The following CLIC3 variants were observed in gnomAD, a reference collection of about 807,000 sequenced individuals.
CLIC3 encodes chloride intracellular channel protein 3.
Under a neutral mutation model 19.9 loss-of-function variants are expected in CLIC3, and 29 were observed. The ratio of observed to expected loss-of-function variants is 1.46; its 90% confidence interval spans 1.09 to 1.99. The LOEUF (loss-of-function observed/expected upper bound fraction) is 1.99, where lower values mean the gene tolerates loss of function less well. Ranked by LOEUF, CLIC3 falls within the 30% of genes most tolerant of loss-of-function variation. The pLI, the probability that CLIC3 is intolerant of heterozygous loss-of-function variation, is 0.00. For missense variants in CLIC3, 365 were observed against 342.6 expected (o/e 1.07, Z -0.52); for synonymous variants, 143 against 156.4 (o/e 0.91, Z 0.64).
rs773745114 is a variant in CLIC3 at position 136,995,287 on chromosome 9, G to T, written c.275C>A (p.Pro92His). ...CTCCCTGTAACGAGGCGCCAGGCTGGGGAAGCTGCGGGATGAGGGGGTGGG... is the reference window on the plus strand; with the variant it reads ...CTCCCTGTAACGAGGCGCCAGGCTGTGGAAGCTGCGGGATGAGGGGGTGGG... ...LEETLGPPDF[P>H]SLAPRYRESN... The change falls in exon 4 of 6, where the codon CCC becomes CAC. Residue 92 changes from proline (P) to histidine (H), a missense_variant. Physicochemically the swap from Pro to His is moderately conservative, Grantham distance 77 (BLOSUM62 -2). Coordinates refer to ENST00000494426, the MANE Select transcript of CLIC3 (RefSeq NM_004669.3). 1.9e-6 allele frequency: 3 copies of T among 1,612,372 alleles called. No homozygotes were observed. Among genetic ancestry groups the T allele is most frequent in the Non-Finnish European group, 2.5e-6 (3 of 1,179,682 alleles).
At chr9:136,995,840 C>T (rs1830697665) in intron 1 of CLIC3, 83 bp from the exon 2 acceptor site, 3 of 946,250 alleles carry the variant, frequency 3.2e-6, no homozygotes, top group Non-Finnish European at 4.7e-6. Context: ...GGACCCGCCT[C>T]CCACTGCCAG....
At position 136,994,800 on chromosome 9, in the gene CLIC3, C is replaced by T. The variant is rs553016965; in HGVS notation, c.592G>A (p.Glu198Lys). 14 of 1,590,038 alleles carry T rather than the reference C, an allele frequency of 8.8e-6. No individual in the cohort carries two copies. In the African/African-American group the frequency reaches 1.9e-4, roughly 21 times the overall value. ...AGGTAGCGGCGTACGCCGCGCAGCT[C>T]CGCGGGGATGGGCGCCTGGCGGAAG... is the stretch of plus-strand genomic sequence containing the variant. ...AHFRQAPIPA[E>K]LRGVRRYLDS... Residue 198 changes from glutamate to lysine, a missense_variant, in exon 6 of 6, where the codon GAG (glutamate) becomes AAG (lysine). Coordinates refer to ENST00000494426, the MANE Select transcript of CLIC3 (RefSeq NM_004669.3).
In CLIC3 at chr9:136,996,258, T is replaced by C. The variant is rs116931799; in HGVS notation, c.33+253A>G. Among the ~76,000 whole-genome samples, 75 of 151,994 alleles carry C rather than the reference T, an allele frequency of 4.9e-4. 3 individuals are homozygous for C. In the East Asian group the frequency reaches 0.013, roughly 27 times the overall value. On this transcript the variant is annotated intron_variant, in intron 1 of 5. Transcript: ENST00000494426. ...GCTTGGTACCTCCCCACCAAGGAGCTCTCCTCCAGAAGACTGGGCTGGGCC... is the reference window on the plus strand; with the variant it reads ...GCTTGGTACCTCCCCACCAAGGAGCCCTCCTCCAGAAGACTGGGCTGGGCC...
Position 136,994,698 on chromosome 9 carries a change from C to A in CLIC3, c.694G>T (p.Ala232Ser). 6.2e-7 allele frequency: 1 copy of A among 1,609,176 alleles called. No individual in the cohort carries two copies. Among genetic ancestry groups the A allele is most frequent in the Non-Finnish European group, 8.5e-7 (1 of 1,178,522 alleles). Residue 232 changes from alanine (A) to serine (S), a missense_variant, in exon 6 of 6, where the codon GCC becomes TCC. Physicochemically the swap from Ala to Ser is moderately conservative, Grantham distance 99. Transcript: ENST00000494426. ...GTGGGGCGCTAGCGGGGGTGCACGG[C>A]GGGCCGGTAGGCCGCCAGGATCTCG... is the stretch of plus-strand genomic sequence containing the variant. ...SAEILAAYRP[A>S]VHPR
rs780770025 is a variant in CLIC3, at chr9:136,994,767, C to T, written c.625G>A (p.Ala209Thr). 1.9e-6 allele frequency: 3 copies of T among 1,602,970 alleles called. No individual in the cohort carries two copies. The highest frequency in any genetic ancestry group is 1.7e-4 in the Middle Eastern group (1 of 5,824). ...TATTTGAACTCTTTCTCCTGCATCGCGCTGTCCAGGTAGCGGCGTACGCCG... is the reference window on the plus strand; with the variant it reads ...TATTTGAACTCTTTCTCCTGCATCGTGCTGTCCAGGTAGCGGCGTACGCCG... Reference protein sequence around the residue: ...LRGVRRYLDSAMQEKEFKYTC... With the variant: ...LRGVRRYLDSTMQEKEFKYTC... The change falls in exon 6 of 6, where the codon GCG becomes ACG. Residue 209 changes from alanine (A) to threonine (T), a missense_variant. Transcript: ENST00000494426.
chr9:136,995,354 A>AC (rs1227523098), intron 3 of CLIC3, 62 bp from the exon 4 acceptor site: 2 of 1,608,546 alleles, frequency 1.2e-6, no homozygotes, highest in Non-Finnish European at 1.7e-6. Context: ...GCCCCACAGT[A>AC]CCCCCACAGC....
At chr9:136,994,897 T>TCGCCCCCCC in intron 5 of CLIC3, 33 bp downstream of exon 5, 1 of 1,471,248 alleles carries the variant, frequency 6.8e-7, no homozygotes, top group African/African-American at 1.5e-5. Context: ...CGCGCCGCGG[T>TCGCCCCCCC]CACCCTCCCG....
Position 136,995,273 on chromosome 9 carries a change from G to T in CLIC3, c.289C>A (p.Arg97Ser), listed in dbSNP as rs1365449792. The stretch of plus-strand genomic sequence containing the variant: ...CCGGCGGTGTTGGACTCCCTGTAAC[G>T]AGGCGCCAGGCTGGGGAAGCTGCGG... ...GPPDFPSLAP[R>S]YRESNTAGND... The change falls in exon 4 of 6, where the codon CGT becomes AGT. Residue 97 changes from arginine to serine, a missense_variant. Arg to Ser is a moderately radical substitution (Grantham distance 110, BLOSUM62 -1). Transcript: ENST00000494426. 3 of 1,612,684 alleles carry T rather than the reference G, an allele frequency of 1.9e-6. No individual in the cohort carries two copies. The highest frequency in any genetic ancestry group is 1.1e-5 in the South Asian group (1 of 91,084).
At chr9:136,994,894 C>T (rs932903474) in intron 5 of CLIC3, 36 bp downstream of exon 5, 3 of 1,474,088 alleles carry the variant, frequency 2.0e-6, no homozygotes, top group African/African-American at 1.5e-5. Context: ...AGGCGCGCCG[C>T]GGTCACCCTC....
At chr9:136,996,430 C>T in intron 1 of CLIC3, 81 bp downstream of exon 1, 2 of 1,352,572 alleles carry the variant, frequency 1.5e-6, no homozygotes, top group South Asian at 1.3e-5. Flanking sequence ...GGAGGCCCAC[C>T]CCACAGCCTG....
intron 1 of CLIC3, 82 bp downstream of exon 1, chr9:136,996,429 C>T (rs1024087395): frequency 1.3e-5 from 17 of 1,338,716 alleles, no homozygotes; most frequent in Non-Finnish European, 1.7e-5. Flanking sequence ...GGGAGGCCCA[C>T]CCCACAGCCT....
chr9:136,995,127 G>A (rs1240890626), intron 4 of CLIC3, 22 bp from the exon 5 acceptor site: 1 of 1,577,612 alleles, frequency 6.3e-7, no homozygotes, highest in African/African-American at 1.3e-5. Context: ...GCGGCGCGGT[G>A]AGGACCAGGC....
intron 1 of CLIC3, 129 bp from the exon 2 acceptor site, chr9:136,995,886 G>A (rs1104990): frequency 4.5e-5 from 29 of 650,314 alleles, no homozygotes; most frequent in Admixed American, 2.6e-4. Context: ...CAGCTTGGTC[G>A]GCGCGACTTC....
chr9:136,994,653 T>A lies in CLIC3; in HGVS notation c.*28A>T. The A allele has an allele frequency of 6.3e-7, 1 of 1,593,896 alleles. No homozygotes were observed. Among genetic ancestry groups the A allele is most frequent in the African/African-American group, 1.3e-5 (1 of 74,294 alleles). ...CCCTCACTCCCGACAAAGATGCCTTTATTGGGCGACAGACGCGGGGTGGGG... is the reference window on the plus strand; with the variant it reads ...CCCTCACTCCCGACAAAGATGCCTTAATTGGGCGACAGACGCGGGGTGGGG... On this transcript the variant is annotated 3_prime_UTR_variant, in exon 6 of 6. Coordinates refer to ENST00000494426, the MANE Select transcript of CLIC3 (RefSeq NM_004669.3).
chr9:136,995,258 TG>T lies in CLIC3; in HGVS notation c.303del (p.Asn102ThrfsTer156), dbSNP rs1830684912. The T allele has an allele frequency of 6.8e-6, 11 of 1,612,680 alleles. No individual in the cohort carries two copies. Among genetic ancestry groups the T allele is most frequent in the Non-Finnish European group, 9.3e-6 (11 of 1,179,886 alleles). ...TGGAAAACGTCGTTGCCGGCGGTGT[TG>T]GACTCCCTGTAACGAGGCGCCAGGC... ...FPSLAPRYRE[S>X]NTAGNDVFHK... On this transcript the variant is annotated frameshift_variant, in exon 4 of 6. Coordinates refer to ENST00000494426, the MANE Select transcript of CLIC3 (RefSeq NM_004669.3). LOFTEE classifies it high-confidence loss of function.
At position 136,994,628 on chromosome 9, in the gene CLIC3, C is replaced by G; in HGVS notation, c.*53G>C. 1 of 1,566,136 alleles carries G rather than the reference C, an allele frequency of 6.4e-7. No homozygotes were observed. The highest frequency in any genetic ancestry group is 8.7e-7 in the Non-Finnish European group (1 of 1,153,992). On this transcript the variant is annotated 3_prime_UTR_variant, in exon 6 of 6. Transcript: ENST00000494426. ...CTCTGGCCCTTCAGATGTCAGGACA[C>G]CCTCACTCCCGACAAAGATGCCTTT...
At position 136,994,668 on chromosome 9, in the gene CLIC3, G is replaced by C; in HGVS notation, c.*13C>G. ...AAGATGCCTTTATTGGGCGACAGAC[G>C]CGGGGTGGGGCGCTAGCGGGGGTGC... On this transcript the variant is annotated 3_prime_UTR_variant, in exon 6 of 6. Transcript: ENST00000494426. 2 of 1,601,784 alleles carry C rather than the reference G, an allele frequency of 1.2e-6. No individual in the cohort carries two copies. Among genetic ancestry groups the C allele is most frequent in the Non-Finnish European group, 1.7e-6 (2 of 1,174,418 alleles).
intron 1 of CLIC3, 72 bp from the exon 2 acceptor site, chr9:136,995,829 G>A (rs1354675868): frequency 1.0e-5 from 11 of 1,068,082 alleles, no homozygotes; most frequent in African/African-American, 1.6e-5. Flanking sequence ...CAGGCTGGGC[G>A]GGACCCGCCT....
rs780540657 is a variant in CLIC3, at chr9:136,995,761, G to C, written c.34-4C>G. The C allele has an allele frequency of 1.7e-5, 26 of 1,551,342 alleles. No homozygotes were observed. In the East Asian group the frequency reaches 6.1e-4, roughly 37 times the overall value. ...CGCTCTCCCCGTCCTCACTCGCCTG[G>C]GTGGGTGGAGCGGGGGTGGGGGGTC... is the stretch of plus-strand genomic sequence containing the variant. On this transcript the variant is annotated splice_region_variant and splice_polypyrimidine_tract_variant and intron_variant, in intron 1 of 5. Transcript: ENST00000494426.
Sources: gnomAD v4.1 joint callset for allele counts (sites outside exome capture counted in the v4.1 genomes callset) on GRCh38, gnomAD v4.1.1 for gene constraint, MANE v1.5 for transcripts, NCBI Gene and HGNC (gene_info 2026-07-23, HGNC 2026-07-21) for gene names.